ZBTB32: variants seen among roughly 807,000 people sequenced by gnomAD.
The protein encoded by ZBTB32 is zinc finger and BTB domain-containing protein 32.
Under a neutral mutation model 45.3 loss-of-function variants are expected in ZBTB32, and 28 were observed. That is an observed-to-expected ratio of 0.62 (90% CI 0.46 to 0.85). The LOEUF (loss-of-function observed/expected upper bound fraction) is 0.85, where lower values mean the gene tolerates loss of function less well. Ranked by LOEUF, ZBTB32 falls within the 40% of genes least tolerant of loss-of-function variation. ZBTB32 has a pLI of 0.00. For synonymous variants in ZBTB32, 283 were observed against 255.7 expected, an observed-to-expected ratio of 1.11 and a Z score of -1.02; for missense variants, 587 against 624.4, an observed-to-expected ratio of 0.94 and a Z score of 0.64.
chr19:35,706,675 G>A (rs148743087), intron 1 of ZBTB32, among the ~76,000 whole-genome samples: 3 of 152,160 alleles, frequency 2.0e-5, no homozygotes, highest in East Asian at 1.9e-4. Flanking sequence ...AGCCGAGATC[G>A]CGCCACTGCA....
chr19:35,714,074 G>A (rs1460212475), intron 2 of ZBTB32: 1 of 152,362 alleles, frequency 6.6e-6, no homozygotes, highest in African/African-American at 2.4e-5. Context: ...TTTCAGGAGC[G>A]ATGGGCTTTT....
Position 35,714,708 on chromosome 19 carries a change from C to G in ZBTB32, c.82C>G (p.Leu28Val). The G allele has an allele frequency of 6.2e-7, 1 of 1,613,620 alleles. No individual in the cohort carries two copies. The highest frequency in any genetic ancestry group is 2.2e-5 in the East Asian group (1 of 44,874). Residue 28 changes from leucine (L) to valine (V), a missense_variant, in exon 3 of 7, where the codon CTC becomes GTC. Leu to Val is a conservative substitution (Grantham distance 32, BLOSUM62 1). Coordinates refer to ENST00000392197, the MANE Select transcript of ZBTB32 (RefSeq NM_014383.3). ...GCTAGCAGCCAGGCTCCGGCCAGCA[C>G]TCTGTGATACTCTGATCACCGTAGG... ...VQLAARLRPALCDTLITVGSQ... is the reference protein window; with the variant it reads ...VQLAARLRPAVCDTLITVGSQ...
rs529757518 is a variant in ZBTB32, at chr19:35,714,699, C to A, written c.73C>A (p.Arg25=). 4 of 1,608,776 alleles carry A rather than the reference C, an allele frequency of 2.5e-6. No individual in the cohort carries two copies. The highest frequency in any genetic ancestry group is 1.7e-5 in the Admixed American group (1 of 59,702). The change falls in exon 3 of 7, where the codon CGG becomes AGG. Residue 25 remains arginine (R), a synonymous_variant. Transcript: ENST00000392197. ...DRLVQLAARL[R]PALCDTLITV... is the part of the protein sequence containing the mutation. ...GCTGGTACAGCTAGCAGCCAGGCTC[C>A]GGCCAGCACTCTGTGATACTCTGAT...
At chr19:35,706,160 G>C (rs1179003306) in intron 1 of ZBTB32, among the ~76,000 whole-genome samples, 2 of 151,048 alleles carry the variant, frequency 1.3e-5, no homozygotes, top group South Asian at 4.2e-4. Context: ...CCTGGGAGGC[G>C]GAGGTTGCGG....
intron 1 of ZBTB32, among the ~76,000 whole-genome samples, chr19:35,710,434 G>C (rs916424610): frequency 1.3e-5 from 2 of 151,954 alleles, no homozygotes; most frequent in Admixed American, 6.6e-5. Flanking sequence ...GGAAGAGGAA[G>C]GGGGGGCAAG....
chr19:35,714,533 A>G lies in ZBTB32; in HGVS notation c.-94A>G, dbSNP rs1968797456. 1 of 1,333,046 alleles carries G rather than the reference A, an allele frequency of 7.5e-7. No individual in the cohort carries two copies. The highest frequency in any genetic ancestry group is 1.8e-5 in the South Asian group (1 of 56,264). The allele number at this position is 1,333,046 out of a possible 1,614,324, so 82.6% of individuals were successfully genotyped here. On this transcript the variant is annotated 5_prime_UTR_variant, in exon 3 of 7. Transcript: ENST00000392197. ...CCCTCACATCCACAGGCTTGAAATG[A>G]GATGAGATGTTCCTCCCTCCCCTTT...
rs749041875 is a variant in ZBTB32, at chr19:35,716,154, G to A, written c.1046G>A (p.Gly349Asp). The A allele has an allele frequency of 8.7e-6, 14 of 1,613,904 alleles. No homozygotes were observed. The highest frequency in any genetic ancestry group is 2.2e-5 in the East Asian group (1 of 44,880). ...ACAGGCGCACTTGCAACCTGTGCGG[G>A]TCATGAGGACAAGGCAGGCTGCCCA... ...GHTGALATCA[G>D]HEDKAGCPPR... Residue 349 changes from glycine to aspartate, a missense_variant, in exon 6 of 7, where the codon GGT (glycine) becomes GAT (aspartate). Physicochemically the swap from Gly to Asp is moderately conservative, Grantham distance 94. Transcript: ENST00000392197.
intron 5 of ZBTB32, 45 bp from the exon 6 acceptor site, chr19:35,716,088 T>G (rs1478713616): frequency 1.2e-6 from 2 of 1,611,760 alleles, no homozygotes; most frequent in Non-Finnish European, 1.7e-6. Context: ...GAGTTGGCGC[T>G]GGGATTCCTG....
In ZBTB32 at chr19:35,705,954, C is replaced by T. The variant is rs568970947; in HGVS notation, c.-222+1331C>T. On this transcript the variant is annotated intron_variant, in intron 1 of 6. Transcript: ENST00000392197. ...AAAAAAAAAAAAAAGCAGGGCCAGG[C>T]GTGGGGGCTCACATCTATAATCCCA... Among the ~76,000 whole-genome samples, 23 of 148,952 alleles carry T rather than the reference C, an allele frequency of 1.5e-4. No individual in the cohort carries two copies. In the East Asian group the frequency reaches 3.8e-3, roughly 24 times the overall value.
At chr19:35,708,976 G>C (rs780701293) in intron 1 of ZBTB32, among the ~76,000 whole-genome samples, 1 of 151,770 alleles carries the variant, frequency 6.6e-6, no homozygotes. Context: ...GTGCCGCCAC[G>C]CCCAGCTAAT....
Position 35,713,013 on chromosome 19 carries a change from T to G in ZBTB32, c.-125T>G, listed in dbSNP as rs1968742774. The G allele has an allele frequency of 6.6e-6, 1 of 152,252 alleles. No individual in the cohort carries two copies. Among genetic ancestry groups the G allele is most frequent in the Non-Finnish European group, 1.5e-5 (1 of 68,052 alleles). 9.4% of individuals were successfully genotyped at this position (152,252 alleles called of 1,614,324 possible). ...TCATATTCGTCACGTCATTTCATCT[T>G]CACCCCCACCTCCAAATGAGGTAAG... On this transcript the variant is annotated 5_prime_UTR_variant, in exon 2 of 7. Transcript: ENST00000392197.
At chr19:35,712,846 A>C (rs1968738850) in intron 1 of ZBTB32, 71 bp from the exon 2 acceptor site, 1 of 152,126 alleles carries the variant, frequency 6.6e-6, no homozygotes, top group African/African-American at 2.4e-5. Context: ...AGGGAGAGGG[A>C]GGAGGCCAGC....
At chr19:35,709,944 T>A (rs1968645283) in intron 1 of ZBTB32, among the ~76,000 whole-genome samples, 2 of 151,178 alleles carry the variant, frequency 1.3e-5, no homozygotes, top group Admixed American at 1.3e-4. Context: ...GCATGTAGGC[T>A]CACGCCTGTA....
chr19:35,706,505 T>A (rs905595085), intron 1 of ZBTB32, among the ~76,000 whole-genome samples: 2 of 152,020 alleles, frequency 1.3e-5, no homozygotes, highest in African/African-American at 4.8e-5. Flanking sequence ...GTGGATCACC[T>A]GAGGTCAGGA....
At position 35,716,801 on chromosome 19, in the gene ZBTB32, G is replaced by A; in HGVS notation, c.*49G>A. 1.3e-6 allele frequency: 2 copies of A among 1,561,300 alleles called. No individual in the cohort carries two copies. Among genetic ancestry groups the A allele is most frequent in the Non-Finnish European group, 1.7e-6 (2 of 1,148,666 alleles). On this transcript the variant is annotated 3_prime_UTR_variant, in exon 7 of 7. Transcript: ENST00000392197. ...CAAGAGTCCAATTAAAGAACGAAAA[G>A]CGGGCCGGCTCGGCTTCTGACCTGG... is the stretch of plus-strand genomic sequence containing the variant.
Position 35,716,119 on chromosome 19 carries a change from C to T in ZBTB32, c.1025-14C>T. 4 of 1,613,240 alleles carry T rather than the reference C, an allele frequency of 2.5e-6. No individual in the cohort carries two copies. Among genetic ancestry groups the T allele is most frequent in the South Asian group, 1.1e-5 (1 of 90,978 alleles). On this transcript the variant is annotated splice_polypyrimidine_tract_variant and intron_variant, in intron 5 of 6. Transcript: ENST00000392197. ...TCCTGGCCCTGCCCTCCTTTGCCTTCTCTGTCCCCACAGGCGCACTTGCAA... is the reference window on the plus strand; with the variant it reads ...TCCTGGCCCTGCCCTCCTTTGCCTTTTCTGTCCCCACAGGCGCACTTGCAA...
Position 35,714,595 on chromosome 19 carries a change from G to A in ZBTB32, c.-32G>A, listed in dbSNP as rs1310437345. The A allele has an allele frequency of 2.0e-6, 3 of 1,495,236 alleles. No homozygotes were observed. The Admixed American group carries it at 6.8e-5, about 34-fold the overall frequency. The allele number at this position is 1,495,236 out of a possible 1,614,324, so 92.6% of individuals were successfully genotyped here. On this transcript the variant is annotated 5_prime_UTR_variant, in exon 3 of 7. Transcript: ENST00000392197. ...CTCACACTGTGGACTTCCTCTTAGA[G>A]CCTCTGAGTTAGGTACCCAAGCCAA...
Position 35,715,953 on chromosome 19 carries a change from G to T in ZBTB32, c.970G>T (p.Gly324Cys). Residue 324 changes from glycine to cysteine, a missense_variant, in exon 5 of 7, where the codon GGC becomes TGC. Gly to Cys is a radical substitution (Grantham distance 159, BLOSUM62 -3). Coordinates refer to ENST00000392197, the MANE Select transcript of ZBTB32 (RefSeq NM_014383.3). ...SSPTPGSLPQGPAQLSPGEME... is the reference protein window; with the variant it reads ...SSPTPGSLPQCPAQLSPGEME... ...GTTCCTTCCAGGTTCCCTCCCCCAG[G>T]GCCCCGCACAGCTCAGCCCTGGGGA... is the stretch of plus-strand genomic sequence containing the variant. 6.2e-7 allele frequency: 1 copy of T among 1,613,240 alleles called. No homozygotes were observed. The highest frequency in any genetic ancestry group is 1.1e-5 in the South Asian group (1 of 91,068).
In ZBTB32 at chr19:35,716,602, C is replaced by T; in HGVS notation, c.1314C>T (p.Pro438=). Residue 438 remains proline (P), a synonymous_variant, in exon 7 of 7, where the codon CCC becomes CCT. Coordinates refer to ENST00000392197, the MANE Select transcript of ZBTB32 (RefSeq NM_014383.3). The stretch of plus-strand genomic sequence containing the variant: ...GCTCCCTGTGCGGGGCCGGCTGTCC[C>T]AGCCTGGCCTCCATGCAGGCGCACA... The part of the protein sequence containing the change: ...YRCSLCGAGC[P]SLASMQAHMR... The T allele has an allele frequency of 6.2e-7, 1 of 1,613,358 alleles. No homozygotes were observed. The highest frequency in any genetic ancestry group is 8.5e-7 in the Non-Finnish European group (1 of 1,179,940).
Sources: allele counts gnomAD v4.1 joint callset (sites outside exome capture counted in the v4.1 genomes callset), GRCh38; gene constraint gnomAD v4.1.1; transcripts MANE v1.5; gene names NCBI Gene and HGNC (gene_info 2026-07-23, HGNC 2026-07-21).